RPSA2: variants seen among roughly 807,000 people sequenced by gnomAD.
RPSA2 encodes the protein small ribosomal subunit protein uS2B.
the RPSA2 span, among the ~76,000 whole-genome samples, chr19:23,785,860 T>C: frequency 6.6e-6 from 1 of 152,202 alleles, no homozygotes; most frequent in African/African-American, 2.4e-5. Context: ...ATCCTCGGTC[T>C]CCTTTTTTGT....
At chr19:23,824,538 T>C in the RPSA2 span, among the ~76,000 whole-genome samples, 5 of 150,116 alleles carry the variant, frequency 3.3e-5, no homozygotes, top group East Asian at 9.9e-4. Context: ...TGGTGTTCAT[T>C]ATTATTTTAT....
chr19:23,863,750 T>C, the RPSA2 span, among the ~76,000 whole-genome samples: 4 of 152,134 alleles, frequency 2.6e-5, no homozygotes, highest in African/African-American at 9.7e-5. Context: ...CAAAATTCCA[T>C]TTACTGTAAA....
At chr19:23,829,665 T>C in the RPSA2 span, among the ~76,000 whole-genome samples, 12 of 152,206 alleles carry the variant, frequency 7.9e-5, no homozygotes, top group South Asian at 2.1e-4. Flanking sequence ...GTCTAAAAGA[T>C]ACAACAATAC....
the RPSA2 span, chr19:23,832,164 T>C: frequency 2.4e-6 from 1 of 410,334 alleles, no homozygotes; most frequent in Non-Finnish European, 4.9e-6. Context: ...GCAAAGCATT[T>C]TGCCAGCCCT....
the RPSA2 span, chr19:23,827,417 G>C: frequency 6.8e-7 from 1 of 1,465,490 alleles, no homozygotes; most frequent in Non-Finnish European, 9.4e-7. Context: ...TGGCCAGAGG[G>C]CTGTGCTGAA....
At chr19:23,765,230 G>A in the RPSA2 span, among the ~76,000 whole-genome samples, 1 of 152,174 alleles carries the variant, frequency 6.6e-6, no homozygotes, top group African/African-American at 2.4e-5. Flanking sequence ...AAGACATGGT[G>A]GGAACTCCCT....
At chr19:23,825,701 C>T in the RPSA2 span, among the ~76,000 whole-genome samples, 1 of 152,104 alleles carries the variant, frequency 6.6e-6, no homozygotes, top group Non-Finnish European at 1.5e-5. Flanking sequence ...ATTCTAGTGC[C>T]TCAGCCTCCT....
At chr19:23,790,160 G>A in the RPSA2 span, among the ~76,000 whole-genome samples, 4 of 151,862 alleles carry the variant, frequency 2.6e-5, no homozygotes, top group African/African-American at 7.3e-5. Context: ...CACTGTGCCC[G>A]GCTACTTTTT....
chr19:23,800,804 G>A, the RPSA2 span, among the ~76,000 whole-genome samples: 1 of 151,946 alleles, frequency 6.6e-6, no homozygotes, highest in Non-Finnish European at 1.5e-5. Flanking sequence ...GTAGAGACAG[G>A]GTTTTTCCAT....
At chr19:23,783,796 C>G in the RPSA2 span, among the ~76,000 whole-genome samples, 1 of 152,154 alleles carries the variant, frequency 6.6e-6, no homozygotes, top group Non-Finnish European at 1.5e-5. Context: ...TGACATATTG[C>G]TGGGTCAAGC....
chr19:23,767,088 G>A, the RPSA2 span, among the ~76,000 whole-genome samples: 1 of 152,032 alleles, frequency 6.6e-6, no homozygotes, highest in South Asian at 2.1e-4. Flanking sequence ...GAGTAGACAG[G>A]TGCGTGCCAC....
At chr19:23,826,708 G>A in the RPSA2 span, among the ~76,000 whole-genome samples, 1 of 152,036 alleles carries the variant, frequency 6.6e-6, no homozygotes, top group African/African-American at 2.4e-5. Flanking sequence ...TATTTTTTGA[G>A]ACAGTCTTGC....
At chr19:23,762,523 A>G in the RPSA2 span, among the ~76,000 whole-genome samples, 1 of 151,588 alleles carries the variant, frequency 6.6e-6, no homozygotes, top group Non-Finnish European at 1.5e-5. Context: ...TAAAAATACA[A>G]AAAGTACCAG....
At chr19:23,867,250 C>A in the RPSA2 span, among the ~76,000 whole-genome samples, 1 of 152,188 alleles carries the variant, frequency 6.6e-6, no homozygotes, top group Non-Finnish European at 1.5e-5. Context: ...ATCTCCACAT[C>A]CCTAGTGGGA....
the RPSA2 span, among the ~76,000 whole-genome samples, chr19:23,826,380 A>C: frequency 6.6e-6 from 1 of 151,622 alleles, no homozygotes; most frequent in African/African-American, 2.4e-5. Flanking sequence ...TTTAGTAAAG[A>C]TGCAGTTTCA....
At chr19:23,796,045 A>T in the RPSA2 span, among the ~76,000 whole-genome samples, 3 of 152,204 alleles carry the variant, frequency 2.0e-5, no homozygotes. Context: ...AATTACAGGC[A>T]TGAGCCACTG....
chr19:23,833,011 A>C, the RPSA2 span: 3 of 1,415,056 alleles, frequency 2.1e-6, no homozygotes, highest in Non-Finnish European at 2.8e-6. Context: ...GCAGTCTTCA[A>C]TTTTTGCTAA....
the RPSA2 span, among the ~76,000 whole-genome samples, chr19:23,794,544 T>C: frequency 3.9e-5 from 6 of 152,212 alleles, no homozygotes; most frequent in Non-Finnish European, 8.8e-5. Context: ...GTCTTTTTTT[T>C]CTTGTAAACT....
At chr19:23,817,258 T>C in the RPSA2 span, among the ~76,000 whole-genome samples, 1 of 152,092 alleles carries the variant, frequency 6.6e-6, no homozygotes, top group African/African-American at 2.4e-5. Flanking sequence ...GGTGCATGCC[T>C]GTAATCCCAG....
Sources: gnomAD v4.1 joint callset for allele counts (sites outside exome capture counted in the v4.1 genomes callset) on GRCh38, gnomAD v4.1.1 for gene constraint, MANE v1.5 for transcripts, NCBI Gene and HGNC (gene_info 2026-07-23, HGNC 2026-07-21) for gene names.